The following NRL variants were observed in gnomAD, a reference collection of about 807,000 sequenced individuals.
NRL encodes the protein neural retina-specific leucine zipper protein.
Under a neutral mutation model 12.5 loss-of-function variants are expected in NRL, and 16 were observed. The observed-to-expected ratio is 1.28, with a 90% CI of 0.87 to 1.95. NRL has a LOEUF of 1.95. NRL is among the 30% of genes most tolerant of loss of function. NRL has a pLI of 0.00. For synonymous variants in NRL, 142 were observed against 150.9 expected (o/e 0.94, Z 0.43); for missense variants, 314 against 325.8 (o/e 0.96, Z 0.28).
intron 1 of NRL, chr14:24,098,116 G>A: frequency 1.9e-6 from 2 of 1,076,714 alleles, no homozygotes; most frequent in South Asian, 1.6e-5. Flanking sequence ...CAGAAGACCT[G>A]GAGTCAAAGT....
chr14:24,094,028 C>T lies in NRL; in HGVS notation c.-27-11153G>A. ...TAGTGTCTCTCCCGGGAGCAAGAGTCCTCAAAGTTACATCATGTGCGGCTG... is the reference window on the plus strand; with the variant it reads ...TAGTGTCTCTCCCGGGAGCAAGAGTTCTCAAAGTTACATCATGTGCGGCTG... On this transcript the variant is annotated intron_variant, in intron 1 of 2. Transcript: ENST00000561028. The surrounding 1 kb of genome is among the most constrained non-coding windows in gnomAD (Gnocchi z 4.1). The T allele has an allele frequency of 1.9e-6, 1 of 530,890 alleles. No individual in the cohort carries two copies. The highest frequency in any genetic ancestry group is 2.5e-5 in the South Asian group (1 of 39,740). 32.9% of individuals were successfully genotyped at this position (530,890 alleles called of 1,614,324 possible).
chr14:24,083,160 G>A (rs1257682431), intron 1 of NRL, among the ~76,000 whole-genome samples: 1 of 152,232 alleles, frequency 6.6e-6, no homozygotes, highest in Non-Finnish European at 1.5e-5. Flanking sequence ...AGCAAGAGCA[G>A]TATGGCAGTG....
Position 24,114,802 on chromosome 14 carries a change from A to C in NRL, c.-108T>G, listed in dbSNP as rs1247119246. The C allele has an allele frequency of 1.0e-6, 1 of 985,836 alleles. No individual in the cohort carries two copies. The highest frequency in any genetic ancestry group is 1.2e-6 in the Non-Finnish European group (1 of 829,968). The allele number at this position is 985,836 out of a possible 1,614,324, so 61.1% of individuals were successfully genotyped here. A position where few individuals can be genotyped will look rare whatever the true frequency, so the allele number is the denominator to read the frequency against. On this transcript the variant is annotated 5_prime_UTR_variant, in exon 1 of 3. Coordinates refer to ENST00000561028, the MANE Select transcript of NRL (RefSeq NM_001354768.3). The stretch of plus-strand genomic sequence containing the variant: ...GTGTGACGTTTGCAGCCCGCCGGCC[A>C]GGAAGCCGCGAGATGCGTGACGAGC...
intron 1 of NRL, chr14:24,110,289 C>T (rs1398013899): frequency 1.2e-5 from 4 of 332,080 alleles, no homozygotes; most frequent in Admixed American, 7.1e-5. Flanking sequence ...TTGTATTTTT[C>T]GTAGAGATGG....
At chr14:24,097,056 G>GA in intron 1 of NRL, 1 of 1,613,378 alleles carries the variant, frequency 6.2e-7, no homozygotes, top group Non-Finnish European at 8.5e-7. Flanking sequence ...ATCTGTGATG[G>GA]AACTGAGGCT....
intron 1 of NRL, among the ~76,000 whole-genome samples, chr14:24,109,715 A>G (rs2037390692): frequency 6.6e-6 from 1 of 151,516 alleles, no homozygotes; most frequent in African/African-American, 2.4e-5. Context: ...AAAAAAAAAA[A>G]TCTTTTATAC....
At chr14:24,102,135 G>A (rs1258367420) in intron 1 of NRL, among the ~76,000 whole-genome samples, 2 of 152,182 alleles carry the variant, frequency 1.3e-5, no homozygotes, top group Non-Finnish European at 2.9e-5. Context: ...GGCTGAGGTA[G>A]GAGAATTGTT....
Position 24,082,541 on chromosome 14 carries a change from C to A in NRL, c.308G>T (p.Gly103Val). ...EEAMELLQGQ[G>V]PVPVDGPHGY... ...ATGGGGCCCATCAACAGGGACTGGG[C>A]CCTGACCCTGCAGCAGCTCCATGGC... Residue 103 changes from glycine (G) to valine (V), a missense_variant, in exon 2 of 3, where the codon GGC becomes GTC. By Grantham distance (109) the Gly-to-Val change is moderately radical. Coordinates refer to ENST00000561028, the MANE Select transcript of NRL (RefSeq NM_001354768.3). 6.2e-6 allele frequency: 10 copies of A among 1,613,488 alleles called. No individual in the cohort carries two copies. The highest frequency in any genetic ancestry group is 8.5e-6 in the Non-Finnish European group (10 of 1,180,030).
At chr14:24,082,118 C>T (rs1480263943) in intron 2 of NRL, 4 of 1,234,844 alleles carry the variant, frequency 3.2e-6, no homozygotes, top group Non-Finnish European at 4.1e-6. Flanking sequence ...AGTCTTAACC[C>T]AGCTCCACTC....
chr14:24,106,002 C>T (rs547787794), intron 1 of NRL, among the ~76,000 whole-genome samples: 1 of 152,360 alleles, frequency 6.6e-6, no homozygotes, highest in East Asian at 1.9e-4. Flanking sequence ...CAGATTGTCA[C>T]TCAGCAAGTC....
intron 1 of NRL, chr14:24,103,160 G>A: frequency 6.2e-7 from 1 of 1,612,256 alleles, no homozygotes; most frequent in Non-Finnish European, 8.5e-7. Context: ...GGTGATCTAG[G>A]GGTACCCCTG....
At position 24,080,641 on chromosome 14, in the gene NRL, C is replaced by G. The variant is rs1163016972; in HGVS notation, c.*595G>C. On this transcript the variant is annotated 3_prime_UTR_variant, in exon 3 of 3. Coordinates refer to ENST00000561028, the MANE Select transcript of NRL (RefSeq NM_001354768.3). The stretch of plus-strand genomic sequence containing the variant: ...CCAGACTTCTGCACACAGCTCTCTC[C>G]CAACCCACACCAACAACCCCCAGAG... 6.6e-6 allele frequency: 1 copy of G among 152,630 alleles called. No homozygotes were observed. Among genetic ancestry groups the G allele is most frequent in the Non-Finnish European group, 1.5e-5 (1 of 68,072 alleles). The allele number at this position is 152,630 out of a possible 1,614,324, so 9.5% of individuals were successfully genotyped here.
rs1221659412 is a variant in NRL at position 24,103,756 on chromosome 14, C to G, written c.-28+10966G>C. On this transcript the variant is annotated intron_variant, in intron 1 of 2. Transcript: ENST00000561028. ...GGGGAGGACAGTGCCCGAGAGACAC[C>G]CATTGGGCTGGTGCCAAAGGAAGGA... The G allele has an allele frequency of 2.5e-6, 4 of 1,614,026 alleles. No individual in the cohort carries two copies. The African/African-American group carries it at 4.0e-5, about 16-fold the overall frequency.
chr14:24,100,422 C>A, intron 1 of NRL: 1 of 1,114,576 alleles, frequency 9.0e-7, no homozygotes, highest in Non-Finnish European at 1.2e-6. Flanking sequence ...AGTTGCTCAA[C>A]TTCCCTAAGC....
At chr14:24,095,425 T>C (rs1238959524) in intron 1 of NRL, 1 of 352,790 alleles carries the variant, frequency 2.8e-6, no homozygotes, top group African/African-American at 2.1e-5. Flanking sequence ...ACTGATCATC[T>C]ATCCTGCTTT....
chr14:24,096,277 C>T (rs567163938), intron 1 of NRL, among the ~76,000 whole-genome samples: 123 of 135,202 alleles, frequency 9.1e-4, no homozygotes, highest in Middle Eastern at 4.3e-3. Flanking sequence ...CTTGCTCTGT[C>T]GCCCAGGTTG....
At chr14:24,093,136 A>C (rs1185232582) in intron 1 of NRL, 1 of 152,280 alleles carries the variant, frequency 6.6e-6, no homozygotes, top group African/African-American at 2.4e-5. Flanking sequence ...CCACATGACA[A>C]TACAGACTGA....
At chr14:24,095,558 C>A (rs2036832714) in intron 1 of NRL, among the ~76,000 whole-genome samples, 1 of 152,132 alleles carries the variant, frequency 6.6e-6, no homozygotes, top group Admixed American at 6.5e-5. Flanking sequence ...TGCTGTTCCA[C>A]CCTCCCACCA....
At chr14:24,091,120 TGTGTGTGTGTG>T (rs2036618366) in intron 1 of NRL, among the ~76,000 whole-genome samples, 4 of 3,234 alleles carry the variant, frequency 1.2e-3, no homozygotes, top group African/African-American at 3.2e-3. Context: ...AGAAAAGGCC[TGTGTGTGTGTG>T]TGTGTGTGTG....
Sources: gnomAD v4.1 joint callset for allele counts (sites outside exome capture counted in the v4.1 genomes callset) on GRCh38, gnomAD v4.1.1 for gene constraint, Gnocchi (gnomAD v3.1) non-coding constraint, MANE v1.5 for transcripts, NCBI Gene and HGNC (gene_info 2026-07-23, HGNC 2026-07-21) for gene names.